The following NDUFV3 variants were observed in gnomAD, a reference collection of about 807,000 sequenced individuals.
NDUFV3 encodes the protein NADH dehydrogenase [ubiquinone] flavoprotein 3, mitochondrial.
A neutral mutation model predicts 37.5 loss-of-function variants in NDUFV3; 44 were observed. That is an observed-to-expected ratio of 1.17 (90% CI 0.92 to 1.51). The LOEUF (loss-of-function observed/expected upper bound fraction) is 1.51. NDUFV3 is among the 40% of genes most tolerant of loss of function. The probability of loss-of-function intolerance (pLI) is 0.00; values close to 1 mark genes in which losing one functional copy is unlikely to be tolerated. For synonymous variants in NDUFV3, 235 were observed against 239.3 expected, an observed-to-expected ratio of 0.98 and a Z score of 0.17; for missense variants, 580 against 580.4, an observed-to-expected ratio of 1.00 and a Z score of 0.01.
intron 1 of NDUFV3, among the ~76,000 whole-genome samples, chr21:42,895,431 G>A (rs962681384): frequency 2.0e-5 from 3 of 152,072 alleles, no homozygotes; most frequent in Non-Finnish European, 4.4e-5. Flanking sequence ...GTAGTGAGCC[G>A]AGGTTGCGCC....
At chr21:42,897,625 GGCCTCCCAAAGT>G (rs1202809993) in intron 2 of NDUFV3, among the ~76,000 whole-genome samples, 1 of 152,082 alleles carries the variant, frequency 6.6e-6, no homozygotes, top group African/African-American at 2.4e-5. Flanking sequence ...CACCCGCCTC[GGCCTCCCAAAGT>G]GTTGGGATTA....
At chr21:42,903,109 T>G (rs964560605) in intron 2 of NDUFV3, 73 bp from the exon 3 acceptor site, 37 of 1,576,188 alleles carry the variant, frequency 2.3e-5, no homozygotes, top group African/African-American at 5.4e-5. Context: ...TAATGTGTCA[T>G]GAAATGTCTG....
At chr21:42,907,373 C>T (rs919196926) in intron 3 of NDUFV3, among the ~76,000 whole-genome samples, 6 of 152,090 alleles carry the variant, frequency 3.9e-5, no homozygotes, top group Admixed American at 6.6e-5. Context: ...ACCTCCACCT[C>T]CCAGTCTCAA....
intron 1 of NDUFV3, among the ~76,000 whole-genome samples, chr21:42,894,553 A>G (rs1276638776): frequency 4.8e-5 from 3 of 62,414 alleles, no homozygotes; most frequent in Non-Finnish European, 8.6e-5. Flanking sequence ...AATATATAAT[A>G]TATATATATT....
At chr21:42,894,496 A>AT (rs1491116398) in intron 1 of NDUFV3, among the ~76,000 whole-genome samples, 2 of 79,466 alleles carry the variant, frequency 2.5e-5, no homozygotes, top group East Asian at 2.4e-4. Context: ...TATTTATATA[A>AT]TATATAATAT....
Position 42,894,415 on chromosome 21 carries a change from A to AAT in NDUFV3, c.48+1039_48+1040dup, listed in dbSNP as rs2058677071. ...TATATTATATATTTATATAATATAT[A>AAT]ATATATTATATAAATATATATTATA... On this transcript the variant is annotated intron_variant, in intron 1 of 3. Transcript: ENST00000354250. Among the ~76,000 whole-genome samples the AAT allele has an allele frequency of 6.3e-5, 3 of 47,294 alleles. No individual in the cohort carries two copies. The African/African-American group carries it at 7.0e-4, about 11-fold the overall frequency. 31.0% of individuals were successfully genotyped at this position (47,294 alleles called of 152,430 possible).
At position 42,908,044 on chromosome 21, in the gene NDUFV3, C is replaced by T. The variant is rs180826759; in HGVS notation, c.1265-820C>T. ...TTGTATGGCCTGGCATGGTGGCTCA[C>T]GCCTGTAATCCCAGCACTTTGGGAG... is the stretch of plus-strand genomic sequence containing the variant. On this transcript the variant is annotated intron_variant, in intron 3 of 3. Coordinates refer to ENST00000354250, the MANE Select transcript of NDUFV3 (RefSeq NM_021075.4). Among the ~76,000 whole-genome samples, 81 of 152,120 alleles carry T rather than the reference C, an allele frequency of 5.3e-4. 1 individual carries two copies. Among genetic ancestry groups the T allele is most frequent in the Non-Finnish European group, 2.4e-4 (16 of 67,976 alleles).
chr21:42,912,115 C>T lies in NDUFV3; in HGVS notation c.*3094C>T, dbSNP rs1295397075. ...ATTAGCCGGGCGTGTTGGTGCATGC[C>T]TGTAATCCCAGCTACTCAAGAGGCT... On this transcript the variant is annotated 3_prime_UTR_variant, in exon 4 of 4. Transcript: ENST00000354250. 3.3e-5 allele frequency: 5 copies of T among 152,140 alleles called. No homozygotes were observed. 9.4% of individuals were successfully genotyped at this position (152,140 alleles called of 1,614,324 possible).
At chr21:42,903,147 T>G (rs766469050) in intron 2 of NDUFV3, 35 bp from the exon 3 acceptor site, 1 of 1,613,842 alleles carries the variant, frequency 6.2e-7, no homozygotes, top group East Asian at 2.2e-5. Flanking sequence ...TAAGTTGTTT[T>G]GTTAAATAAC....
chr21:42,900,168 C>T (rs1417379625), intron 2 of NDUFV3, among the ~76,000 whole-genome samples: 2 of 152,098 alleles, frequency 1.3e-5, no homozygotes, highest in African/African-American at 2.4e-5. Context: ...CACTGCTGCA[C>T]TCCATCCTGG....
At position 42,903,771 on chromosome 21, in the gene NDUFV3, A is replaced by G. The variant is rs1278415617; in HGVS notation, c.759A>G (p.Gln253=). 1 of 1,614,212 alleles carries G rather than the reference A, an allele frequency of 6.2e-7. No homozygotes were observed. The highest frequency in any genetic ancestry group is 8.5e-7 in the Non-Finnish European group (1 of 1,180,046). ...CAAAAACCACAATGCCCAGATCTCA[A>G]GTAGATGAAGAGTTTTTGAAGCAAA... The part of the protein sequence containing the change: ...ARPKTTMPRS[Q]VDEEFLKQSL... The change falls in exon 3 of 4, where the codon CAA becomes CAG. Residue 253 remains glutamine, a synonymous_variant. Coordinates refer to ENST00000354250, the MANE Select transcript of NDUFV3 (RefSeq NM_021075.4).
In NDUFV3 at chr21:42,910,037, G is replaced by A. The variant is rs62220802; in HGVS notation, c.*1016G>A. 0.18 allele frequency: 27,810 copies of A among 152,150 alleles called. 2,822 individuals carry two copies. Among genetic ancestry groups the A allele is most frequent in the Non-Finnish European group, 0.21 (14,521 of 68,008 alleles). The allele number at this position is 152,150 out of a possible 1,614,324, so 9.4% of individuals were successfully genotyped here. On this transcript the variant is annotated 3_prime_UTR_variant, in exon 4 of 4. Coordinates refer to ENST00000354250, the MANE Select transcript of NDUFV3 (RefSeq NM_021075.4). The stretch of plus-strand genomic sequence containing the variant: ...CCTGGTTTTTGATCATTAGAAACAG[G>A]AGTTTTGGCCAGGTGCAGTGGATAA...
chr21:42,894,017 A>T (rs2058669933), intron 1 of NDUFV3, among the ~76,000 whole-genome samples: 1 of 151,936 alleles, frequency 6.6e-6, no homozygotes, highest in African/African-American at 2.4e-5. Flanking sequence ...GGAGTTCGAG[A>T]CTAGCCTGGC....
chr21:42,903,488 C>A lies in NDUFV3; in HGVS notation c.476C>A (p.Ser159Tyr). 1 of 1,614,030 alleles carries A rather than the reference C, an allele frequency of 6.2e-7. No individual in the cohort carries two copies. The change falls in exon 3 of 4, where the codon TCC becomes TAC. Residue 159 changes from serine to tyrosine, a missense_variant. Transcript: ENST00000354250. ...TSPSSSSSSSSSDSESDDEAD... is the reference protein window; with the variant it reads ...TSPSSSSSSSYSDSESDDEAD... ...CCTTCGTCTTCATCCTCTTCCAGCTCCTCTGATTCTGAATCTGATGATGAG... is the reference window on the plus strand; with the variant it reads ...CCTTCGTCTTCATCCTCTTCCAGCTACTCTGATTCTGAATCTGATGATGAG...
Position 42,908,940 on chromosome 21 carries a change from C to A in NDUFV3, c.1341C>A (p.Tyr447Ter), listed in dbSNP as rs763349958. 1 of 1,614,088 alleles carries A rather than the reference C, an allele frequency of 6.2e-7. No individual in the cohort carries two copies. Among genetic ancestry groups the A allele is most frequent in the South Asian group, 1.1e-5 (1 of 91,072 alleles). ...KNLQHHDYST[Y>*]TFLDLNLELS... ...TGCAGCATCATGACTACAGCACGTA[C>A]ACCTTCTTAGACCTCAACCTCGAAC... The change falls in exon 4 of 4, where the codon TAC becomes TAA. Residue 447 changes from tyrosine to a stop codon, truncating the protein, a stop_gained. Transcript: ENST00000354250. LOFTEE classifies it high-confidence loss of function.
intron 3 of NDUFV3, among the ~76,000 whole-genome samples, chr21:42,906,608 G>T: frequency 6.6e-6 from 1 of 152,230 alleles, no homozygotes; most frequent in Non-Finnish European, 1.5e-5. Flanking sequence ...CCTTTCTGAA[G>T]AGAAAGTTCT....
In NDUFV3 at chr21:42,903,502, T is replaced by C. The variant is rs2058727004; in HGVS notation, c.490T>C (p.Ser164Pro). 3 of 1,614,156 alleles carry C rather than the reference T, an allele frequency of 1.9e-6. No homozygotes were observed. Among genetic ancestry groups the C allele is most frequent in the Admixed American group, 3.3e-5 (2 of 60,014 alleles). The change falls in exon 3 of 4, where the codon TCT becomes CCT. Residue 164 changes from serine (S) to proline (P), a missense_variant. Transcript: ENST00000354250. ...SSSSSSSDSE[S>P]DDEADVSEVT... The stretch of plus-strand genomic sequence containing the variant: ...CTCTTCCAGCTCCTCTGATTCTGAA[T>C]CTGATGATGAGGCTGACGTTTCAGA...
intron 2 of NDUFV3, among the ~76,000 whole-genome samples, chr21:42,899,608 C>G (rs1176912249): frequency 1.3e-5 from 2 of 152,176 alleles, no homozygotes; most frequent in Admixed American, 6.5e-5. Context: ...CCAAACCCGG[C>G]AAATTTTTCT....
intron 3 of NDUFV3, 121 bp from the exon 4 acceptor site, chr21:42,908,743 G>A (rs2058753506): frequency 5.2e-6 from 6 of 1,145,398 alleles, no homozygotes; most frequent in Non-Finnish European, 7.8e-6. Flanking sequence ...CATTCATAAA[G>A]AGCTGTTCAC....
Sources: gnomAD v4.1 joint callset for allele counts (sites outside exome capture counted in the v4.1 genomes callset) on GRCh38, gnomAD v4.1.1 for gene constraint, MANE v1.5 for transcripts, NCBI Gene and HGNC (gene_info 2026-07-23, HGNC 2026-07-21) for gene names.